Variants in MECOM observed in about 807,000 individuals in gnomAD.
The protein encoded by MECOM is histone-lysine N-methyltransferase MECOM.
A neutral mutation model predicts 116.3 loss-of-function variants in MECOM; 13 were observed. That is an observed-to-expected ratio of 0.11 (90% confidence interval 0.07 to 0.18). The LOEUF is 0.18. Among genes scored for constraint, MECOM ranks in the 10% least tolerant of loss-of-function variants. The pLI is 1.00. For synonymous variants in MECOM, 528 were observed against 535.2 expected (o/e 0.99, Z 0.19); for missense variants, 1,299 against 1,509.0 (o/e 0.86, Z 2.31).
At chr3:169,591,000 C>T (rs1766341210) in intron 1 of MECOM, among the ~76,000 whole-genome samples, 1 of 152,074 alleles carries the variant, frequency 6.6e-6, no homozygotes. Flanking sequence ...ATGGAGATTC[C>T]CTAATCAAAG....
intron 2 of MECOM, among the ~76,000 whole-genome samples, chr3:169,350,088 T>G (rs1052878078): frequency 6.6e-6 from 1 of 152,038 alleles, no homozygotes; most frequent in Non-Finnish European, 1.5e-5. Context: ...GTGGTATTCC[T>G]TCAACATTCA....
rs35594969 is a variant in MECOM at position 169,116,597 on chromosome 3, C to T, written c.1275G>A (p.Arg425=). ...STTSSLNKHR[R]FCEGKNHFAA... is the part of the protein sequence containing the mutation. ...CAAAATGGTTCTTGCCCTCACAAAACCTCCTGTGTTTATTTAAGGAAGACG... is the reference window on the plus strand; with the variant it reads ...CAAAATGGTTCTTGCCCTCACAAAATCTCCTGTGTTTATTTAAGGAAGACG... Residue 425 remains arginine (R), a synonymous_variant, in exon 8 of 17, where the codon AGG becomes AGA. Transcript: ENST00000651503. The T allele has an allele frequency of 0.021, 33,235 of 1,614,180 alleles. 401 individuals are homozygous for T. Among genetic ancestry groups the T allele is most frequent in the Middle Eastern group, 0.032 (197 of 6,062 alleles).
chr3:169,479,387 A>G lies in MECOM; in HGVS notation c.38-97863T>C, dbSNP rs1750948168. 2.0e-5 allele frequency among the ~76,000 whole-genome samples: 3 copies of G among 151,822 alleles called. No individual in the cohort carries two copies. In the South Asian group the frequency reaches 6.2e-4, roughly 32 times the overall value. On this transcript the variant is annotated intron_variant, in intron 1 of 16. Coordinates refer to ENST00000651503, the MANE Select transcript of MECOM (RefSeq NM_004991.4). ...TAACAAAGACCCTAAGAAAGGAGAA[A>G]GTTTGGGTTGGTGGAGGAAAGAATG...
At chr3:169,122,529 G>A (rs1218868976) in intron 6 of MECOM, 51 bp downstream of exon 6, 1 of 1,604,742 alleles carries the variant, frequency 6.2e-7, no homozygotes, top group Non-Finnish European at 8.5e-7. Flanking sequence ...GATGGATTAA[G>A]AGAGAGCAGG....
intron 2 of MECOM, among the ~76,000 whole-genome samples, chr3:169,324,327 A>G (rs1312461245): frequency 1.3e-5 from 2 of 152,238 alleles, no homozygotes; most frequent in East Asian, 3.8e-4. Flanking sequence ...AGAAGTTGTC[A>G]GAAGTATAGG....
At chr3:169,111,432 T>A (rs1316054439) in intron 9 of MECOM, among the ~76,000 whole-genome samples, 1 of 152,166 alleles carries the variant, frequency 6.6e-6, no homozygotes, top group Non-Finnish European at 1.5e-5. Context: ...GAGATGTACT[T>A]TTTGTACAAT....
At chr3:169,593,109 T>C (rs1766632253) in intron 1 of MECOM, among the ~76,000 whole-genome samples, 1 of 152,214 alleles carries the variant, frequency 6.6e-6, no homozygotes, top group African/African-American at 2.4e-5. Flanking sequence ...CAGGCTAGTC[T>C]GAAAATCCTG....
At chr3:169,564,801 C>T (rs1413055146) in intron 1 of MECOM, among the ~76,000 whole-genome samples, 4 of 151,682 alleles carry the variant, frequency 2.6e-5, no homozygotes, top group Non-Finnish European at 4.4e-5. Flanking sequence ...AAAACCATAG[C>T]GCTTCAGGTG....
At chr3:169,615,835 G>A (rs1219024694) in intron 1 of MECOM, among the ~76,000 whole-genome samples, 2 of 152,104 alleles carry the variant, frequency 1.3e-5, no homozygotes, top group East Asian at 3.8e-4. Flanking sequence ...GCATTTCTTG[G>A]ACTAGATACC....
chr3:169,458,959 A>G (rs1389208833), intron 1 of MECOM, among the ~76,000 whole-genome samples: 8 of 152,236 alleles, frequency 5.3e-5, no homozygotes, highest in Non-Finnish European at 1.2e-4. Context: ...CTTGCAAAAA[A>G]GCAGCTCAAG....
At chr3:169,321,220 C>T (rs914372327) in intron 2 of MECOM, among the ~76,000 whole-genome samples, 3 of 152,146 alleles carry the variant, frequency 2.0e-5, no homozygotes, top group Admixed American at 6.5e-5. Context: ...TTGTGAAATG[C>T]TAAATGGATA....
At chr3:169,466,865 A>G (rs1274999578) in intron 1 of MECOM, among the ~76,000 whole-genome samples, 1 of 152,232 alleles carries the variant, frequency 6.6e-6, no homozygotes, top group Non-Finnish European at 1.5e-5. Flanking sequence ...CCTCCAATTG[A>G]ATAAACACTT....
chr3:169,277,869 A>G (rs1375754623), intron 2 of MECOM, among the ~76,000 whole-genome samples: 2 of 152,234 alleles, frequency 1.3e-5, no homozygotes. Context: ...GGTTTCTCCC[A>G]AAGAGATGCC....
chr3:169,378,452 G>GAGAGCGAGCGAGCGAGCGAGAAAGAAA (rs1491467574), intron 2 of MECOM, among the ~76,000 whole-genome samples: 1 of 64,554 alleles, frequency 1.5e-5, no homozygotes, highest in Non-Finnish European at 3.0e-5. Context: ...AAAGAAAGAA[G>GAGAGCGAGCGAGCGAGCGAGAAAGAAA]GAAAGCAAGC....
At position 169,378,514 on chromosome 3, in the gene MECOM, AAAAGAAAGAAAGAAAGAAAG is replaced by A. The variant is rs1159428318; in HGVS notation, c.375+2653_375+2672del. ...GAAAGAAAGAAAGAAAGAAAGAAAG[AAAAGAAAGAAAGAAAGAAAG>A]AAAGAAAGAAAGAAAGAAAGAAAGA... On this transcript the variant is annotated intron_variant, in intron 2 of 16. Coordinates refer to ENST00000651503, the MANE Select transcript of MECOM (RefSeq NM_004991.4). Among the ~76,000 whole-genome samples, 56 of 26,882 alleles carry A rather than the reference AAAAGAAAGAAAGAAAGAAAG, an allele frequency of 2.1e-3. 1 individual carries two copies. Among genetic ancestry groups the A allele is most frequent in the Non-Finnish European group, 3.2e-3 (49 of 15,460 alleles). The allele number at this position is 26,882 out of a possible 152,430, so 17.6% of individuals were successfully genotyped here.
At chr3:169,274,164 G>A (rs1022998601) in intron 2 of MECOM, among the ~76,000 whole-genome samples, 3 of 151,822 alleles carry the variant, frequency 2.0e-5, no homozygotes, top group Admixed American at 6.6e-5. Context: ...TGCCCTCCTC[G>A]ACCTCACAAA....
intron 14 of MECOM, among the ~76,000 whole-genome samples, chr3:169,091,157 C>T (rs1719585953): frequency 6.6e-6 from 1 of 151,754 alleles, no homozygotes; most frequent in Non-Finnish European, 1.5e-5. Context: ...TGCCAACTTG[C>T]TTGCATGAGT....
At chr3:169,221,257 C>T (rs1412246804) in intron 2 of MECOM, among the ~76,000 whole-genome samples, 1 of 152,138 alleles carries the variant, frequency 6.6e-6, no homozygotes, top group African/African-American at 2.4e-5. Flanking sequence ...TCATCATCAT[C>T]TTCTTCTTCA....
intron 2 of MECOM, among the ~76,000 whole-genome samples, chr3:169,270,732 GTAAC>G (rs1357060779): frequency 2.6e-5 from 4 of 152,054 alleles, no homozygotes; most frequent in South Asian, 2.1e-4. Context: ...AACCATGCAA[GTAAC>G]TAACACTAGA....
Sources: gnomAD v4.1 joint callset for allele counts (sites outside exome capture counted in the v4.1 genomes callset) on GRCh38, gnomAD v4.1.1 for gene constraint, MANE v1.5 for transcripts, NCBI Gene and HGNC (gene_info 2026-07-23, HGNC 2026-07-21) for gene names.